The following NOTCH2NLR variants were observed in gnomAD, a reference collection of about 807,000 sequenced individuals.
NOTCH2NLR encodes notch 2 N-terminal like R (pseudogene).
A neutral mutation model predicts 35.6 loss-of-function variants in NOTCH2NLR; 33 were observed. The ratio of observed to expected loss-of-function variants is 0.93; its 90% CI spans 0.70 to 1.24. The LOEUF is 1.24. NOTCH2NLR is among the 50% of genes most tolerant of loss of function. NOTCH2NLR has a pLI of 0.00. For missense variants in NOTCH2NLR, 276 were observed against 362.2 expected (o/e 0.76, Z 1.93); for synonymous variants, 103 against 141.0 (o/e 0.73, Z 1.91).
Position 120,778,068 on chromosome 1 carries a change from C to T in NOTCH2NLR, c.156-6906C>T, listed in dbSNP as rs1465146135. Among the ~76,000 whole-genome samples the T allele has an allele frequency of 4.2e-4, 38 of 91,186 alleles. 1 individual carries two copies. The highest frequency in any genetic ancestry group is 3.3e-4 in the African/African-American group (4 of 12,086). 59.8% of individuals were successfully genotyped at this position (91,186 alleles called of 152,430 possible). ...AGCTAGCCTTGGCTGTTAGCAATTA[C>T]TTTTATCTACTTTAACAGGGGGGAC... is the stretch of plus-strand genomic sequence containing the variant. On this transcript the variant is annotated intron_variant, in intron 2 of 4. Coordinates refer to ENST00000624419, the Ensembl canonical transcript of NOTCH2NLR.
At chr1:120,728,652 C>T (rs1650841787) in intron 1 of NOTCH2NLR, among the ~76,000 whole-genome samples, 1 of 117,298 alleles carries the variant, frequency 8.5e-6, no homozygotes, top group Non-Finnish European at 1.6e-5. Context: ...GTAATTTCAT[C>T]ATTTTGGGGA....
downstream of NOTCH2NLR, among the ~76,000 whole-genome samples, chr1:120,794,418 A>C (rs1651534286): frequency 8.7e-6 from 1 of 115,274 alleles, no homozygotes; most frequent in Non-Finnish European, 1.7e-5. Context: ...GTTTTTATAC[A>C]AATATCCTTA....
In NOTCH2NLR at chr1:120,758,791, CTTG is replaced by C. The variant is rs1409051915; in HGVS notation, c.74-4831_74-4829del. ...TAATTCCCACTTCAAGGCTTTTACA[CTTG>C]TTGTTTCCTCTGCCTGGGGTGCTCT... On this transcript the variant is annotated intron_variant, in intron 1 of 4. Transcript: ENST00000624419. 1.2e-3 allele frequency among the ~76,000 whole-genome samples: 63 copies of C among 53,736 alleles called. 12 individuals are homozygous for C. The highest frequency in any genetic ancestry group is 1.9e-3 in the Admixed American group (11 of 5,792). 35.3% of individuals were successfully genotyped at this position (53,736 alleles called of 152,430 possible).
chr1:120,724,856 A>G (rs1650801089), intron 1 of NOTCH2NLR, among the ~76,000 whole-genome samples: 2 of 77,658 alleles, frequency 2.6e-5, no homozygotes, highest in South Asian at 4.1e-4. Flanking sequence ...CGCGTCTTTG[A>G]AAGGTGGAGG....
rs1189231805 is a variant in NOTCH2NLR, at chr1:120,785,238, C to G, written c.415+5C>G. On this transcript the variant is annotated splice_donor_5th_base_variant and intron_variant, in intron 3 of 4. Transcript: ENST00000624419. ...CCTGTCAAGTCGGGTTTACAGGTAA[C>G]TAATGAGACCAAAGCCAGTGCTTCC... The G allele has an allele frequency of 1.4e-6, 2 of 1,444,426 alleles. No homozygotes were observed. The highest frequency in any genetic ancestry group is 1.9e-6 in the Non-Finnish European group (2 of 1,080,860). The allele number at this position is 1,444,426 out of a possible 1,614,324, so 89.5% of individuals were successfully genotyped here.
chr1:120,777,515 G>A (rs1651312624), intron 2 of NOTCH2NLR, among the ~76,000 whole-genome samples: 1 of 110,720 alleles, frequency 9.0e-6, no homozygotes, highest in Admixed American at 8.7e-5. Context: ...AACTAGTAAG[G>A]CCCTAGAAAA....
intron 1 of NOTCH2NLR, 69 bp from the exon 2 acceptor site, chr1:120,763,559 A>G: frequency 1.5e-6 from 1 of 671,302 alleles, no homozygotes; most frequent in Admixed American, 2.5e-5. Flanking sequence ...GGATTGGATT[A>G]CACTTCTTTG....
At position 120,724,131 on chromosome 1, in the gene NOTCH2NLR, C is replaced by G; in HGVS notation, c.-47C>G. 4.5e-6 allele frequency: 6 copies of G among 1,338,010 alleles called. 2 individuals are homozygous for G. The highest frequency in any genetic ancestry group is 5.8e-6 in the Non-Finnish European group (6 of 1,032,204). The allele number at this position is 1,338,010 out of a possible 1,614,324, so 82.9% of individuals were successfully genotyped here. On this transcript the variant is annotated 5_prime_UTR_variant, in exon 1 of 5. Transcript: ENST00000624419. ...CCCTCCCCATGTGGATCTGCCCAGG[C>G]GGCGGCGGCGGCGGCGGCGGAGGAG...
chr1:120,763,702 T>A, exon 2 of NOTCH2NLR: 1 of 1,349,074 alleles, frequency 7.4e-7, no homozygotes, highest in Non-Finnish European at 1.0e-6. Flanking sequence ...TGGCACAGGA[T>A]ACTGCAAGTA....
rs1193505033 is a variant in NOTCH2NLR, at chr1:120,764,116, G to A, written c.155+407G>A. Among the ~76,000 whole-genome samples the A allele has an allele frequency of 3.6e-5, 4 of 110,982 alleles. 1 individual carries two copies. The highest frequency in any genetic ancestry group is 6.9e-5 in the Non-Finnish European group (4 of 57,900). The allele number at this position is 110,982 out of a possible 152,430, so 72.8% of individuals were successfully genotyped here. A position where few individuals can be genotyped will look rare whatever the true frequency, so the allele number is the denominator to read the frequency against. ...ACAAAAATTAGCCAGGTGTGGTGGC[G>A]CATGACTGGAGTCCCAGCTACTCGG... On this transcript the variant is annotated intron_variant, in intron 2 of 4. Coordinates refer to ENST00000624419, the Ensembl canonical transcript of NOTCH2NLR.
intron 2 of NOTCH2NLR, among the ~76,000 whole-genome samples, chr1:120,781,594 C>T (rs1443550022): frequency 6.7e-5 from 3 of 45,036 alleles, no homozygotes; most frequent in Admixed American, 2.0e-4. Flanking sequence ...GAGGGAGTCT[C>T]GCTCTGTCGC....
intron 1 of NOTCH2NLR, among the ~76,000 whole-genome samples, chr1:120,737,864 GTTT>G (rs1650922704): frequency 9.5e-6 from 1 of 105,544 alleles, no homozygotes; most frequent in Non-Finnish European, 1.8e-5. Flanking sequence ...TGGTTGTCAG[GTTT>G]TTATTTTGTT....
chr1:120,762,526 G>A (rs1651145567), intron 1 of NOTCH2NLR, among the ~76,000 whole-genome samples: 1 of 114,854 alleles, frequency 8.7e-6, no homozygotes, highest in Non-Finnish European at 1.7e-5. Context: ...ACTTGGAGGG[G>A]GGAACTTCTC....
rs1651483955 is a variant in NOTCH2NLR, at chr1:120,790,758, C to T, written c.416-2403C>T. 1.8e-5 allele frequency among the ~76,000 whole-genome samples: 2 copies of T among 108,530 alleles called. 1 individual carries two copies. Among genetic ancestry groups the T allele is most frequent in the Non-Finnish European group, 3.4e-5 (2 of 58,304 alleles). 71.2% of individuals were successfully genotyped at this position (108,530 alleles called of 152,430 possible). On this transcript the variant is annotated intron_variant, in intron 3 of 4. Transcript: ENST00000624419. ...GGGATTACAGGTATGCGCTATGAAG[C>T]CCGGCTAATTTTTGTATTTTTAGAA...
rs1435356515 is a variant in NOTCH2NLR, at chr1:120,792,463, G to A, written c.416-698G>A. On this transcript the variant is annotated intron_variant, in intron 3 of 4. Transcript: ENST00000624419. ...GAGGTTGGAACTTTTGAGTACAGTT[G>A]CCAAGATAGGGAGAGTTCACTAGGA... is the stretch of plus-strand genomic sequence containing the variant. Among the ~76,000 whole-genome samples, 2 of 98,236 alleles carry A rather than the reference G, an allele frequency of 2.0e-5. 1 individual carries two copies. The highest frequency in any genetic ancestry group is 3.7e-5 in the Non-Finnish European group (2 of 53,390). The allele number at this position is 98,236 out of a possible 152,430, so 64.4% of individuals were successfully genotyped here.
intron 3 of NOTCH2NLR, among the ~76,000 whole-genome samples, chr1:120,790,527 T>TCTCC (rs1287959193): frequency 1.9e-5 from 2 of 104,624 alleles, no homozygotes; most frequent in African/African-American, 6.0e-5. Flanking sequence ...TTTCTTTCTT[T>TCTCC]CTCCCTCCCT....
intron 2 of NOTCH2NLR, among the ~76,000 whole-genome samples, chr1:120,781,582 GAGA>G: frequency 3.9e-5 from 1 of 25,806 alleles, no homozygotes; most frequent in African/African-American, 5.5e-4. Context: ...TTTTTTTTTT[GAGA>G]GGGAGTCTCG....
intron 2 of NOTCH2NLR, among the ~76,000 whole-genome samples, chr1:120,777,985 C>T (rs1450016807): frequency 1.2e-5 from 1 of 81,716 alleles, no homozygotes; most frequent in Non-Finnish European, 2.1e-5. Context: ...GGGGTACCTA[C>T]AAGTTTGTAG....
rs1344473212 is a variant in NOTCH2NLR, at chr1:120,778,097, G to A, written c.156-6877G>A. Among the ~76,000 whole-genome samples, 16 of 85,278 alleles carry A rather than the reference G, an allele frequency of 1.9e-4. 3 individuals are homozygous for A. The South Asian group carries it at 4.3e-3, about 23-fold the overall frequency. 55.9% of individuals were successfully genotyped at this position (85,278 alleles called of 152,430 possible). ...TATCTACTTTAACAGGGGGGACAGA[G>A]TAGGGGGGCAGGAAACTAAGCTGGC... On this transcript the variant is annotated intron_variant, in intron 2 of 4. Transcript: ENST00000624419.
Sources: allele counts gnomAD v4.1 joint callset (sites outside exome capture counted in the v4.1 genomes callset), GRCh38; gene constraint gnomAD v4.1.1; transcripts MANE v1.5; gene names NCBI Gene and HGNC (gene_info 2026-07-23, HGNC 2026-07-21).